The following C10orf90 variants were observed in gnomAD, a reference collection of about 807,000 sequenced individuals.
The protein encoded by C10orf90 is chromosome 10 open reading frame 90.
Under a neutral mutation model 62.5 loss-of-function variants are expected in C10orf90, and 56 were observed. The ratio of observed to expected loss-of-function variants is 0.90; its 90% confidence interval spans 0.72 to 1.12. The LOEUF (loss-of-function observed/expected upper bound fraction) is 1.12, where lower values mean the gene tolerates loss of function less well. C10orf90 is among the 50% of genes most tolerant of loss of function. C10orf90 has a pLI of 0.00. For missense variants in C10orf90, 970 were observed against 880.4 expected, an observed-to-expected ratio of 1.10 and a Z score of -1.29; for synonymous variants, 386 against 340.4, an observed-to-expected ratio of 1.13 and a Z score of -1.47.
At chr10:126,609,311 G>T (rs1352136618) in intron 2 of C10orf90, among the ~76,000 whole-genome samples, 5 of 152,208 alleles carry the variant, frequency 3.3e-5, no homozygotes, top group Non-Finnish European at 5.9e-5. Flanking sequence ...GCTGAGGCAA[G>T]AGAATCACTT....
intron 1 of C10orf90, among the ~76,000 whole-genome samples, chr10:126,663,699 G>C (rs550077426): frequency 6.6e-6 from 1 of 151,836 alleles, no homozygotes; most frequent in South Asian, 2.1e-4. Flanking sequence ...TGGCTTTTTT[G>C]TGACTTCCTT....
At chr10:126,564,178 A>T (rs1403663105) in intron 2 of C10orf90, among the ~76,000 whole-genome samples, 1 of 152,048 alleles carries the variant, frequency 6.6e-6, no homozygotes, top group Non-Finnish European at 1.5e-5. Flanking sequence ...GCTCGGAAGA[A>T]ATCCGGAGAA....
At chr10:126,565,883 C>A (rs543664413) in intron 2 of C10orf90, among the ~76,000 whole-genome samples, 1 of 152,314 alleles carries the variant, frequency 6.6e-6, no homozygotes, top group African/African-American at 2.4e-5. Context: ...AGCAAATGCA[C>A]CTAACAGCAT....
chr10:126,579,391 C>T (rs1344889537), intron 2 of C10orf90, among the ~76,000 whole-genome samples: 2 of 151,938 alleles, frequency 1.3e-5, no homozygotes, highest in Non-Finnish European at 2.9e-5. Context: ...CAGGCACCCA[C>T]CACCATGCCC....
chr10:126,646,338 C>G (rs778917956), intron 2 of C10orf90, among the ~76,000 whole-genome samples: 5 of 152,246 alleles, frequency 3.3e-5, no homozygotes, highest in Non-Finnish European at 7.3e-5. Flanking sequence ...AAAGGCACCC[C>G]TGAAGTCACC....
At chr10:126,509,655 T>G (rs2133904891) in intron 3 of C10orf90, among the ~76,000 whole-genome samples, 1 of 152,304 alleles carries the variant, frequency 6.6e-6, no homozygotes, top group South Asian at 2.1e-4. Context: ...AGTGCTGCAT[T>G]TTCCCAGTGT....
intron 2 of C10orf90, among the ~76,000 whole-genome samples, chr10:126,584,281 C>T (rs1844813383): frequency 6.6e-6 from 1 of 151,916 alleles, no homozygotes. Context: ...TACCTGTCTG[C>T]CTGTCCATCC....
At chr10:126,665,797 A>C (rs1352890518) in intron 1 of C10orf90, among the ~76,000 whole-genome samples, 1 of 152,136 alleles carries the variant, frequency 6.6e-6, no homozygotes, top group South Asian at 2.1e-4. Context: ...TAGAGAGGCC[A>C]ATGTAGCTGG....
At chr10:126,553,730 C>T (rs1053175068) in intron 2 of C10orf90, among the ~76,000 whole-genome samples, 10 of 152,134 alleles carry the variant, frequency 6.6e-5, no homozygotes, top group East Asian at 1.9e-4. Context: ...GGTTTCTGTA[C>T]ATATACTCTA....
chr10:126,555,152 G>A (rs1252292548), intron 2 of C10orf90, among the ~76,000 whole-genome samples: 1 of 152,154 alleles, frequency 6.6e-6, no homozygotes, highest in Admixed American at 6.5e-5. Context: ...GTGGTGACAT[G>A]GTTGGGCCCA....
At chr10:126,597,295 G>A (rs1379604009) in intron 2 of C10orf90, among the ~76,000 whole-genome samples, 1 of 152,242 alleles carries the variant, frequency 6.6e-6, no homozygotes, top group East Asian at 1.9e-4. Context: ...GTACATCCAT[G>A]TAATGGAGAG....
At chr10:126,555,796 T>C (rs1483867209) in intron 2 of C10orf90, among the ~76,000 whole-genome samples, 1 of 152,116 alleles carries the variant, frequency 6.6e-6, no homozygotes, top group African/African-American at 2.4e-5. Flanking sequence ...CAGCATCAGA[T>C]AGAAATGCTG....
At chr10:126,494,396 C>A (rs1180606508) in intron 4 of C10orf90, among the ~76,000 whole-genome samples, 1 of 152,112 alleles carries the variant, frequency 6.6e-6, no homozygotes, top group African/African-American at 2.4e-5. Context: ...AAGGTTGACT[C>A]TGAATTTTAA....
At chr10:126,643,573 T>A (rs1442611915) in intron 2 of C10orf90, among the ~76,000 whole-genome samples, 1 of 152,198 alleles carries the variant, frequency 6.6e-6, no homozygotes, top group Non-Finnish European at 1.5e-5. Context: ...CGGGTCAGCA[T>A]GGCGCCTGAC....
intron 1 of C10orf90, among the ~76,000 whole-genome samples, chr10:126,648,515 T>C (rs1322775650): frequency 6.6e-6 from 1 of 152,278 alleles, no homozygotes; most frequent in South Asian, 2.1e-4. Context: ...CTGGCAATAC[T>C]TATATAGCCA....
chr10:126,454,418 A>T (rs1859404038), intron 7 of C10orf90, among the ~76,000 whole-genome samples: 1 of 151,222 alleles, frequency 6.6e-6, no homozygotes, highest in Admixed American at 6.6e-5. Context: ...CTGTATTCCT[A>T]TGACCTGCAG....
chr10:126,504,590 C>G lies in C10orf90; in HGVS notation c.901G>C (p.Val301Leu). ...ACTEFSRNSS[V>L]VRLKVPEAHT... ...GCCTCGGGAACCTTCAGCCGCACCACGGAGCTGTTTCTGGAGAACTCTGTG... is the reference window on the plus strand; with the variant it reads ...GCCTCGGGAACCTTCAGCCGCACCAGGGAGCTGTTTCTGGAGAACTCTGTG... The change falls in exon 4 of 10, where the codon GTG becomes CTG. Residue 301 changes from valine to leucine, a missense_variant. Val to Leu is a conservative substitution (Grantham distance 32). Transcript: ENST00000488181. The surrounding 1 kb of genome is among the most constrained non-coding windows in gnomAD (Gnocchi z 4.1). The G allele has an allele frequency of 1.2e-6, 2 of 1,614,194 alleles. No individual in the cohort carries two copies. The highest frequency in any genetic ancestry group is 1.7e-6 in the Non-Finnish European group (2 of 1,180,030).
At chr10:126,484,575 G>GT (rs1402358599) in intron 4 of C10orf90, among the ~76,000 whole-genome samples, 2 of 152,250 alleles carry the variant, frequency 1.3e-5, no homozygotes, top group Admixed American at 1.3e-4. Context: ...CTCAATTCTA[G>GT]AGAGACTAGA....
intron 1 of C10orf90, among the ~76,000 whole-genome samples, chr10:126,666,208 C>A (rs1422740382): frequency 2.0e-5 from 3 of 152,152 alleles, no homozygotes; most frequent in Admixed American, 1.3e-4. Context: ...TACCCATTAG[C>A]CACCAGTAGC....
Sources: allele counts gnomAD v4.1 joint callset (sites outside exome capture counted in the v4.1 genomes callset), GRCh38; gene constraint gnomAD v4.1.1; non-coding constraint Gnocchi (gnomAD v3.1); transcripts MANE v1.5; gene names NCBI Gene and HGNC (gene_info 2026-07-23, HGNC 2026-07-21).